Variants in MCC observed in about 807,000 individuals in gnomAD.
The protein encoded by MCC is colorectal mutant cancer protein.
In MCC, 90 loss-of-function variants were observed where a neutral mutation model predicts 116.2. The observed-to-expected ratio is 0.77, with a 90% CI of 0.65 to 0.92. The LOEUF is 0.92. MCC is among the 40% of genes least tolerant of loss of function. MCC has a pLI of 0.00. For missense variants in MCC, 1,516 were observed against 1,312.2 expected, an observed-to-expected ratio of 1.16 and a Z score of -2.40; for synonymous variants, 578 against 510.5, an observed-to-expected ratio of 1.13 and a Z score of -1.78.
At chr5:113,159,097 C>T (rs1760339349) in intron 3 of MCC, among the ~76,000 whole-genome samples, 1 of 152,146 alleles carries the variant, frequency 6.6e-6, no homozygotes, top group Admixed American at 6.6e-5. Context: ...TGTGATGAAG[C>T]GTGGGGCTCA....
intron 1 of MCC, among the ~76,000 whole-genome samples, chr5:113,408,831 G>C (rs972552885): frequency 1.3e-5 from 2 of 152,246 alleles, no homozygotes; most frequent in South Asian, 4.1e-4. Context: ...CAAGGGAGCA[G>C]GAGATGGATG....
At chr5:113,439,789 T>C (rs770419916) in intron 1 of MCC, among the ~76,000 whole-genome samples, 1 of 152,246 alleles carries the variant, frequency 6.6e-6, no homozygotes, top group East Asian at 1.9e-4. Flanking sequence ...AAGATAATGA[T>C]ATATAATACT....
chr5:113,061,397 CA>C (rs1372729221), intron 14 of MCC, among the ~76,000 whole-genome samples: 5 of 152,176 alleles, frequency 3.3e-5, no homozygotes, highest in Non-Finnish European at 7.3e-5. Flanking sequence ...TGGGCTTGAC[CA>C]AGGATTCCTA....
In MCC at chr5:113,023,341, G is replaced by A. The variant is rs1171964706; in HGVS notation, c.*3961C>T. The stretch of plus-strand genomic sequence containing the variant: ...AAACTCTATAAGAGTGCTCAAAGGT[G>A]AATCAAACTTGTATATCATTCCTTG... On this transcript the variant is annotated 3_prime_UTR_variant, in exon 19 of 19. Transcript: ENST00000408903. The A allele has an allele frequency of 2.6e-5, 4 of 152,208 alleles. No individual in the cohort carries two copies. Among genetic ancestry groups the A allele is most frequent in the African/African-American group, 9.6e-5 (4 of 41,458 alleles). The allele number at this position is 152,208 out of a possible 1,614,324, so 9.4% of individuals were successfully genotyped here.
In MCC at chr5:113,043,546, T is replaced by G; in HGVS notation, c.2740A>C (p.Thr914Pro). The change falls in exon 17 of 19, where the codon ACC becomes CCC. Residue 914 changes from threonine to proline, a missense_variant. Thr to Pro is a conservative substitution (Grantham distance 38). Coordinates refer to ENST00000408903, the MANE Select transcript of MCC (RefSeq NM_001085377.2). ...CSENELAAEF[T>P]NAIRREKKLK... is the part of the protein sequence containing the mutation. ...GGTGCTTACCGACGAATGGCGTTGGTGAACTCCGCAGCCAGCTCATTCTCG... is the reference window on the plus strand; with the variant it reads ...GGTGCTTACCGACGAATGGCGTTGGGGAACTCCGCAGCCAGCTCATTCTCG... 6.2e-7 allele frequency: 1 copy of G among 1,614,032 alleles called. No homozygotes were observed. The highest frequency in any genetic ancestry group is 8.5e-7 in the Non-Finnish European group (1 of 1,179,980).
At chr5:113,474,137 A>C (rs1772171049) in intron 1 of MCC, among the ~76,000 whole-genome samples, 1 of 152,232 alleles carries the variant, frequency 6.6e-6, no homozygotes, top group African/African-American at 2.4e-5. Flanking sequence ...AAAATTATCA[A>C]GCATTTGAAG....
At position 113,215,520 on chromosome 5, in the gene MCC, C is replaced by T. The variant is rs368036492; in HGVS notation, c.628-64098G>A. Among the ~76,000 whole-genome samples the T allele has an allele frequency of 1.2e-4, 18 of 152,200 alleles. No homozygotes were observed. The East Asian group carries it at 2.5e-3, about 21-fold the overall frequency. ...AGTGATTAGGTTATGAGGGCTTTTG[C>T]CCTCATGAATGGGATTAAGGCTCTT... On this transcript the variant is annotated intron_variant, in intron 3 of 18. Coordinates refer to ENST00000408903, the MANE Select transcript of MCC (RefSeq NM_001085377.2).
At chr5:113,087,568 G>A (rs1250730584) in intron 8 of MCC, among the ~76,000 whole-genome samples, 2 of 152,192 alleles carry the variant, frequency 1.3e-5, no homozygotes, top group East Asian at 3.9e-4. Context: ...ATTTCCTCAG[G>A]GACTGGGGGA....
At chr5:113,099,111 C>T (rs537621376) in intron 8 of MCC, among the ~76,000 whole-genome samples, 15 of 120,398 alleles carry the variant, frequency 1.2e-4, no homozygotes, top group African/African-American at 4.3e-4. Context: ...GCATCTAGTA[C>T]ACTTTTTGAG....
chr5:113,313,938 G>C (rs1243528426), intron 3 of MCC, among the ~76,000 whole-genome samples: 1 of 151,906 alleles, frequency 6.6e-6, no homozygotes, highest in Non-Finnish European at 1.5e-5. Flanking sequence ...CTCCCGCTTC[G>C]GCCTCCCAAG....
intron 3 of MCC, among the ~76,000 whole-genome samples, chr5:113,285,687 T>C (rs1766227709): frequency 6.6e-6 from 1 of 152,168 alleles, no homozygotes; most frequent in Admixed American, 6.5e-5. Flanking sequence ...CCCTGATCAC[T>C]CAAACAGCAT....
At chr5:113,358,229 G>C (rs1449751929) in intron 2 of MCC, among the ~76,000 whole-genome samples, 1 of 152,176 alleles carries the variant, frequency 6.6e-6, no homozygotes, top group Non-Finnish European at 1.5e-5. Context: ...TCAGTCTTTG[G>C]TTACTGGGTT....
chr5:113,052,261 G>C (rs555824109), intron 15 of MCC, among the ~76,000 whole-genome samples: 25 of 152,302 alleles, frequency 1.6e-4, no homozygotes, highest in African/African-American at 6.0e-4. Flanking sequence ...TGATGGAAGG[G>C]TGGCCTCATA....
chr5:113,224,059 C>T (rs1321687557), intron 3 of MCC, among the ~76,000 whole-genome samples: 2 of 152,052 alleles, frequency 1.3e-5, no homozygotes, highest in Non-Finnish European at 2.9e-5. Context: ...CATACCAATT[C>T]TTGGAGGAGT....
intron 5 of MCC, among the ~76,000 whole-genome samples, chr5:113,130,074 T>C (rs1017308862): frequency 3.3e-5 from 5 of 152,096 alleles, no homozygotes; most frequent in African/African-American, 1.2e-4. Context: ...AGCAAACACT[T>C]AGAACCAACC....
Position 113,035,726 on chromosome 5 carries a change from A to G in MCC, c.2757-6670T>C, listed in dbSNP as rs568921135. On this transcript the variant is annotated intron_variant, in intron 17 of 18. Transcript: ENST00000408903. ...CCAGAGAGGCCTAGACTGACCACCC[A>G]TCTAAACTCATGTCCCAGAGCTAAG... 2.4e-4 allele frequency among the ~76,000 whole-genome samples: 37 copies of G among 152,242 alleles called. No homozygotes were observed. In the South Asian group the frequency reaches 7.5e-3, roughly 31 times the overall value.
chr5:113,309,723 C>CT (rs1767090770), intron 3 of MCC, among the ~76,000 whole-genome samples: 1 of 152,084 alleles, frequency 6.6e-6, no homozygotes, highest in Non-Finnish European at 1.5e-5. Context: ...ATAATGACTT[C>CT]TTTTTCTTTG....
At chr5:113,476,708 G>A (rs572883961) in intron 1 of MCC, among the ~76,000 whole-genome samples, 2 of 152,310 alleles carry the variant, frequency 1.3e-5, no homozygotes, top group Non-Finnish European at 2.9e-5. Context: ...GGCAAGTCTA[G>A]AGAGGCAGCA....
intron 11 of MCC, among the ~76,000 whole-genome samples, chr5:113,072,592 TG>T (rs1754114730): frequency 6.6e-6 from 1 of 152,196 alleles, no homozygotes. Context: ...TAAGCCATGG[TG>T]GGTCTCTGCT....
Sources: gnomAD v4.1 joint callset for allele counts (sites outside exome capture counted in the v4.1 genomes callset) on GRCh38, gnomAD v4.1.1 for gene constraint, MANE v1.5 for transcripts, NCBI Gene and HGNC (gene_info 2026-07-23, HGNC 2026-07-21) for gene names.